Variants in KLF12 observed in about 807,000 individuals in gnomAD.
KLF12 encodes the protein Krueppel-like factor 12.
Under a neutral mutation model 37.8 loss-of-function variants are expected in KLF12, and 9 were observed. That is an observed-to-expected ratio of 0.24 (90% confidence interval 0.14 to 0.42). The LOEUF is 0.42. KLF12 is among the 10% of genes least tolerant of loss of function. The pLI is 1.00. For missense variants in KLF12, 411 were observed against 516.0 expected (o/e 0.80, Z 1.97); for synonymous variants, 208 against 202.1 (o/e 1.03, Z -0.25).
At chr13:73,861,081 T>TA (rs1348995527) in intron 3 of KLF12, among the ~76,000 whole-genome samples, 2 of 152,166 alleles carry the variant, frequency 1.3e-5, no homozygotes, top group African/African-American at 4.8e-5. Flanking sequence ...AATAGGAAGT[T>TA]AAAAAATAAC....
At chr13:73,776,772 T>C (rs1225771332) in intron 5 of KLF12, among the ~76,000 whole-genome samples, 2 of 152,172 alleles carry the variant, frequency 1.3e-5, no homozygotes, top group African/African-American at 4.8e-5. Flanking sequence ...GGTTGTTATT[T>C]TGGTTATTTT....
chr13:74,268,325 C>A, the KLF12 span, among the ~76,000 whole-genome samples: 1 of 152,150 alleles, frequency 6.6e-6, no homozygotes, highest in Admixed American at 6.6e-5. Flanking sequence ...AACTGAAAAA[C>A]ACCTTAAGGA....
the KLF12 span, among the ~76,000 whole-genome samples, chr13:74,294,577 C>T: frequency 1.3e-5 from 2 of 152,136 alleles, no homozygotes; most frequent in African/African-American, 4.8e-5. Context: ...CCATGTTGAC[C>T]ACCATGGTCT....
intron 3 of KLF12, among the ~76,000 whole-genome samples, chr13:73,928,394 C>T (rs1006240643): frequency 6.6e-6 from 1 of 152,142 alleles, no homozygotes; most frequent in African/African-American, 2.4e-5. Flanking sequence ...TACTCTATTC[C>T]ATCTTCTCAA....
At chr13:73,861,437 C>T (rs1232990223) in intron 3 of KLF12, among the ~76,000 whole-genome samples, 2 of 152,178 alleles carry the variant, frequency 1.3e-5, no homozygotes, top group Non-Finnish European at 2.9e-5. Context: ...TCTAGAACTT[C>T]TGCATTGGCA....
intron 1 of KLF12, among the ~76,000 whole-genome samples, chr13:74,092,061 G>A (rs140768271): frequency 0.018 from 2,659 of 150,518 alleles, 72 homozygotes; most frequent in African/African-American, 0.056. Context: ...AGGCTGAGGC[G>A]GGCAGATCAC....
At chr13:73,746,688 A>C (rs1464771136) in intron 6 of KLF12, among the ~76,000 whole-genome samples, 5 of 152,144 alleles carry the variant, frequency 3.3e-5, no homozygotes, top group Admixed American at 2.0e-4. Context: ...AAGAGTCTTA[A>C]AACATTCTAT....
At chr13:73,932,161 A>G (rs912445688) in intron 3 of KLF12, among the ~76,000 whole-genome samples, 6 of 152,208 alleles carry the variant, frequency 3.9e-5, no homozygotes, top group Non-Finnish European at 7.4e-5. Flanking sequence ...AAAAGATATA[A>G]TTAGTTATGA....
chr13:73,764,709 C>CA (rs1000382431), intron 6 of KLF12, among the ~76,000 whole-genome samples: 108 of 148,038 alleles, frequency 7.3e-4, no homozygotes, highest in Admixed American at 3.4e-3. Flanking sequence ...TCATATCTGT[C>CA]AAAAAAAAAA....
At chr13:74,192,742 A>G in the KLF12 span, among the ~76,000 whole-genome samples, 7 of 152,190 alleles carry the variant, frequency 4.6e-5, no homozygotes, top group African/African-American at 1.7e-4. Context: ...TTTTCATGCT[A>G]TGGACACTTT....
intron 6 of KLF12, among the ~76,000 whole-genome samples, chr13:73,724,135 C>T (rs1217540140): frequency 6.6e-6 from 1 of 152,126 alleles, no homozygotes; most frequent in Admixed American, 6.5e-5. Context: ...AGACTTGGAA[C>T]CAACCCAAAT....
At chr13:74,022,086 T>G (rs750245483) in intron 1 of KLF12, among the ~76,000 whole-genome samples, 6 of 152,150 alleles carry the variant, frequency 3.9e-5, no homozygotes, top group Admixed American at 2.0e-4. Context: ...TTTTTGTGTC[T>G]TAGATATTCT....
the KLF12 span, among the ~76,000 whole-genome samples, chr13:74,251,561 T>A: frequency 6.6e-6 from 1 of 152,186 alleles, no homozygotes; most frequent in Admixed American, 6.5e-5. Context: ...AAGTTCCTGA[T>A]GCACTTCCTG....
intron 6 of KLF12, among the ~76,000 whole-genome samples, chr13:73,725,731 T>C (rs1876610201): frequency 6.6e-6 from 1 of 152,056 alleles, no homozygotes; most frequent in Non-Finnish European, 1.5e-5. Flanking sequence ...ATAGGACTTG[T>C]AGTCTGAAAA....
intron 5 of KLF12, among the ~76,000 whole-genome samples, chr13:73,803,717 C>T (rs979081485): frequency 2.0e-5 from 3 of 151,554 alleles, no homozygotes; most frequent in Non-Finnish European, 4.4e-5. Flanking sequence ...TCTGGAGACA[C>T]AAAGAAGGCT....
chr13:73,953,980 T>C (rs1340834148), intron 2 of KLF12, among the ~76,000 whole-genome samples: 22 of 135,652 alleles, frequency 1.6e-4, no homozygotes, highest in East Asian at 2.1e-4. Context: ...CTTTTTTTTT[T>C]TTTTTTTTTT....
intron 6 of KLF12, among the ~76,000 whole-genome samples, chr13:73,742,129 A>G (rs1878042176): frequency 6.6e-6 from 1 of 152,186 alleles, no homozygotes; most frequent in Non-Finnish European, 1.5e-5. Flanking sequence ...AATAAAATGC[A>G]GAGTATTTAG....
chr13:73,812,606 GAT>G (rs1207953086), intron 5 of KLF12, among the ~76,000 whole-genome samples: 1 of 151,666 alleles, frequency 6.6e-6, no homozygotes, highest in East Asian at 1.9e-4. Flanking sequence ...AAGGTTGACT[GAT>G]AGAAAAGCAG....
chr13:74,047,997 T>C (rs543897008), intron 1 of KLF12, among the ~76,000 whole-genome samples: 11 of 152,348 alleles, frequency 7.2e-5, no homozygotes, highest in Non-Finnish European at 1.3e-4. Context: ...ACAGAACTCA[T>C]GTACATTCCA....
Sources: allele counts gnomAD v4.1 joint callset (sites outside exome capture counted in the v4.1 genomes callset), GRCh38; gene constraint gnomAD v4.1.1; transcripts MANE v1.5; gene names NCBI Gene and HGNC (gene_info 2026-07-23, HGNC 2026-07-21).